Variants in ABTB3 observed in about 807,000 individuals in gnomAD.
The protein encoded by ABTB3 is ankyrin repeat and BTB domain containing 3.
chr12:107,649,335 A>C, the ABTB3 span: 1 of 1,474,762 alleles, frequency 6.8e-7, no homozygotes, highest in Non-Finnish European at 9.5e-7. Context: ...CACTTCTGTA[A>C]ACTCGGGTCA....
the ABTB3 span, among the ~76,000 whole-genome samples, chr12:107,552,977 C>A: frequency 6.6e-6 from 1 of 152,200 alleles, no homozygotes; most frequent in African/African-American, 2.4e-5. Flanking sequence ...GCCCAGAGAG[C>A]CATGTTGCCG....
chr12:107,536,355 A>C, the ABTB3 span, among the ~76,000 whole-genome samples: 1 of 152,194 alleles, frequency 6.6e-6, no homozygotes, highest in African/African-American at 2.4e-5. Context: ...TAAGACTTCA[A>C]AAGTACAGGC....
chr12:107,513,004 C>G, the ABTB3 span, among the ~76,000 whole-genome samples: 1 of 152,236 alleles, frequency 6.6e-6, no homozygotes, highest in South Asian at 2.1e-4. Context: ...CAGGCAATGT[C>G]AACCCCGAGC....
At chr12:107,524,095 G>A in the ABTB3 span, among the ~76,000 whole-genome samples, 4 of 152,206 alleles carry the variant, frequency 2.6e-5, no homozygotes, top group East Asian at 5.8e-4. Flanking sequence ...CACATAAATT[G>A]TTTTTAAGGA....
the ABTB3 span, among the ~76,000 whole-genome samples, chr12:107,342,671 G>C: frequency 1.3e-5 from 2 of 152,126 alleles, no homozygotes; most frequent in Non-Finnish European, 2.9e-5. Flanking sequence ...TGGAACCTCT[G>C]CTCCTCCTAG....
the ABTB3 span, among the ~76,000 whole-genome samples, chr12:107,356,867 G>A: frequency 6.6e-6 from 1 of 152,224 alleles, no homozygotes; most frequent in African/African-American, 2.4e-5. Flanking sequence ...TACATGCCAA[G>A]CACAGGGCTT....
the ABTB3 span, among the ~76,000 whole-genome samples, chr12:107,392,702 A>G: frequency 2.7e-4 from 41 of 152,194 alleles, no homozygotes; most frequent in African/African-American, 9.7e-4. Flanking sequence ...TTAATTTGCA[A>G]TGAAAGCCCA....
At chr12:107,491,695 C>A in the ABTB3 span, among the ~76,000 whole-genome samples, 5 of 152,050 alleles carry the variant, frequency 3.3e-5, no homozygotes, top group African/African-American at 1.2e-4. Context: ...TGGTGGCATG[C>A]GCCTGTAGTC....
the ABTB3 span, among the ~76,000 whole-genome samples, chr12:107,564,088 CTCTGTGTGTGTGTGTGTG>C: frequency 1.4e-5 from 2 of 137,950 alleles, no homozygotes; most frequent in African/African-American, 5.6e-5. Flanking sequence ...CTATCTATCT[CTCTGTGTGTGTGTGTGTG>C]TGTGTGTGTG....
At chr12:107,369,200 A>G in the ABTB3 span, among the ~76,000 whole-genome samples, 1 of 151,886 alleles carries the variant, frequency 6.6e-6, no homozygotes, top group Admixed American at 6.6e-5. Flanking sequence ...GTATTGTTTC[A>G]CTTTCTTCTG....
chr12:107,356,059 T>C, the ABTB3 span, among the ~76,000 whole-genome samples: 1 of 152,226 alleles, frequency 6.6e-6, no homozygotes, highest in South Asian at 2.1e-4. Context: ...TTTTTTGTAC[T>C]ACACCTTCAA....
the ABTB3 span, among the ~76,000 whole-genome samples, chr12:107,470,691 A>ATT: frequency 6.6e-6 from 1 of 152,144 alleles, no homozygotes; most frequent in Non-Finnish European, 1.5e-5. Context: ...TAAAGACAAA[A>ATT]TTAACCGACC....
the ABTB3 span, among the ~76,000 whole-genome samples, chr12:107,329,300 A>C: frequency 6.6e-6 from 1 of 152,054 alleles, no homozygotes. Flanking sequence ...CCTACAAGCC[A>C]GGTGATCTTG....
chr12:107,422,016 A>T, the ABTB3 span, among the ~76,000 whole-genome samples: 1 of 152,202 alleles, frequency 6.6e-6, no homozygotes, highest in Non-Finnish European at 1.5e-5. Flanking sequence ...CAAAGAAAAA[A>T]ATATATAATG....
At chr12:107,375,437 CAT>C in the ABTB3 span, among the ~76,000 whole-genome samples, 1 of 151,238 alleles carries the variant, frequency 6.6e-6, no homozygotes, top group Non-Finnish European at 1.5e-5. Flanking sequence ...TCATCATCAT[CAT>C]CATCATCATC....
At chr12:107,473,400 C>T in the ABTB3 span, among the ~76,000 whole-genome samples, 3 of 152,150 alleles carry the variant, frequency 2.0e-5, no homozygotes, top group Non-Finnish European at 4.4e-5. Context: ...GTTGCTCAGG[C>T]TGGAGTGCAG....
At chr12:107,508,444 T>TTTTTTTTTTTTTTTTTG in the ABTB3 span, among the ~76,000 whole-genome samples, 1 of 76,884 alleles carries the variant, frequency 1.3e-5, no homozygotes, top group Non-Finnish European at 2.5e-5. Flanking sequence ...ATTTCTTTTT[T>TTTTTTTTTTTTTTTTTG]TTTTTTTTTT....
chr12:107,596,827 C>T, the ABTB3 span, among the ~76,000 whole-genome samples: 8 of 152,136 alleles, frequency 5.3e-5, no homozygotes, highest in African/African-American at 1.4e-4. Flanking sequence ...CTCCTTGCCT[C>T]ACAATAAGAA....
the ABTB3 span, among the ~76,000 whole-genome samples, chr12:107,612,098 G>A: frequency 6.6e-6 from 1 of 152,186 alleles, no homozygotes; most frequent in Non-Finnish European, 1.5e-5. Flanking sequence ...TGTGTGGTGT[G>A]AGAAAAGTCT....
Sources: allele counts gnomAD v4.1 joint callset (sites outside exome capture counted in the v4.1 genomes callset), GRCh38; gene constraint gnomAD v4.1.1; transcripts MANE v1.5; gene names NCBI Gene and HGNC (gene_info 2026-07-23, HGNC 2026-07-21).